The following NCKAP5 variants were observed in gnomAD, a reference collection of about 807,000 sequenced individuals.
NCKAP5 encodes NCK associated protein 5.
A neutral mutation model predicts 167.0 loss-of-function variants in NCKAP5; 92 were observed. The observed-to-expected ratio is 0.55, with a 90% CI of 0.47 to 0.66. The LOEUF is 0.66. NCKAP5 is among the 30% of genes least tolerant of loss of function. The pLI is 0.00. For synonymous variants in NCKAP5, 891 were observed against 877.4 expected, an observed-to-expected ratio of 1.02 and a Z score of -0.27; for missense variants, 2,378 against 2,315.0, an observed-to-expected ratio of 1.03 and a Z score of -0.56.
chr2:133,526,008 C>CG (rs1684839292), intron 2 of NCKAP5, among the ~76,000 whole-genome samples: 2 of 151,958 alleles, frequency 1.3e-5, no homozygotes, highest in Admixed American at 1.3e-4. Flanking sequence ...TTTAAAATAC[C>CG]GGAGTAGATA....
intron 11 of NCKAP5, among the ~76,000 whole-genome samples, chr2:132,812,507 T>C (rs1354086332): frequency 6.6e-6 from 1 of 152,128 alleles, no homozygotes; most frequent in African/African-American, 2.4e-5. Flanking sequence ...TGCTTGAATG[T>C]TGGGGTACAA....
At chr2:133,353,338 T>C (rs760827565) in intron 3 of NCKAP5, among the ~76,000 whole-genome samples, 3 of 152,170 alleles carry the variant, frequency 2.0e-5, no homozygotes, top group Non-Finnish European at 4.4e-5. Flanking sequence ...TTAGAGACCC[T>C]CTGCTCCCAG....
intron 3 of NCKAP5, among the ~76,000 whole-genome samples, chr2:133,465,416 C>T (rs997253835): frequency 6.6e-6 from 1 of 151,636 alleles, no homozygotes; most frequent in African/African-American, 2.4e-5. Flanking sequence ...CATTGTTGGA[C>T]ATTTGGGTTG....
intron 4 of NCKAP5, among the ~76,000 whole-genome samples, chr2:133,281,898 G>A (rs2089949511): frequency 6.6e-6 from 1 of 152,154 alleles, no homozygotes; most frequent in Admixed American, 6.6e-5. Context: ...GAGCATGTTG[G>A]GCAGTTGCAG....
intron 6 of NCKAP5, among the ~76,000 whole-genome samples, chr2:133,053,167 C>A (rs1192371810): frequency 1.3e-5 from 2 of 152,164 alleles, no homozygotes; most frequent in Non-Finnish European, 2.9e-5. Context: ...TTCTTCACAG[C>A]TTTTTGTCTG....
intron 19 of NCKAP5, among the ~76,000 whole-genome samples, chr2:132,710,973 G>A (rs561561623): frequency 7.2e-5 from 11 of 152,242 alleles, no homozygotes; most frequent in African/African-American, 2.4e-4. Flanking sequence ...GCTAAGTTTC[G>A]AATGAAGAGA....
intron 3 of NCKAP5, among the ~76,000 whole-genome samples, chr2:133,515,352 G>A (rs1010630143): frequency 6.6e-6 from 1 of 152,090 alleles, no homozygotes. Flanking sequence ...AAGCATTTAA[G>A]CACCCCCCTA....
chr2:133,387,836 G>A (rs111285938), intron 3 of NCKAP5, among the ~76,000 whole-genome samples: 35,138 of 151,968 alleles, frequency 0.23, 4,218 homozygotes, highest in Non-Finnish European at 0.25. Flanking sequence ...TGATCAAATC[G>A]GCTACTGAAG....
At chr2:132,895,860 C>T (rs964929468) in intron 8 of NCKAP5, among the ~76,000 whole-genome samples, 13 of 150,860 alleles carry the variant, frequency 8.6e-5, no homozygotes, top group Non-Finnish European at 1.3e-4. Flanking sequence ...GTAGGCCAGG[C>T]GCAGTGGCCC....
At chr2:132,958,623 T>G (rs1213849765) in intron 8 of NCKAP5, among the ~76,000 whole-genome samples, 1 of 152,208 alleles carries the variant, frequency 6.6e-6, no homozygotes, top group Admixed American at 6.5e-5. Flanking sequence ...ATTTTTTAAA[T>G]CTTGTACCTT....
chr2:133,328,633 G>A (rs1020783261), intron 3 of NCKAP5, among the ~76,000 whole-genome samples: 1 of 152,072 alleles, frequency 6.6e-6, no homozygotes, highest in African/African-American at 2.4e-5. Context: ...TTGGAGCATG[G>A]GAAAAATCAG....
chr2:132,714,865 T>G (rs1689215901), intron 19 of NCKAP5: 1 of 455,146 alleles, frequency 2.2e-6, no homozygotes, highest in Non-Finnish European at 4.4e-6. Context: ...GAAACCCAGG[T>G]ATGTAAGCTC....
chr2:133,313,790 A>G (rs1444277712), intron 3 of NCKAP5, among the ~76,000 whole-genome samples: 2 of 152,202 alleles, frequency 1.3e-5, no homozygotes, highest in African/African-American at 4.8e-5. Context: ...ACATAATTAG[A>G]AGAGTCCTCA....
intron 3 of NCKAP5, among the ~76,000 whole-genome samples, chr2:133,329,271 G>A (rs922810396): frequency 2.0e-5 from 3 of 152,092 alleles, no homozygotes; most frequent in South Asian, 2.1e-4. Flanking sequence ...GGAGGGGGCA[G>A]GGGACAACCA....
At chr2:133,465,977 G>A (rs1163876004) in intron 3 of NCKAP5, among the ~76,000 whole-genome samples, 3 of 151,684 alleles carry the variant, frequency 2.0e-5, no homozygotes, top group South Asian at 2.1e-4. Context: ...CACTCTGATG[G>A]TAGTTTCTTT....
chr2:132,803,765 TTATGAAGCATCTAC>T (rs1437991893), intron 11 of NCKAP5, among the ~76,000 whole-genome samples: 1 of 152,226 alleles, frequency 6.6e-6, no homozygotes, highest in Non-Finnish European at 1.5e-5. Flanking sequence ...GCTTTATGCT[TTATGAAGCATCTAC>T]TATGTGCAGA....
At chr2:132,965,561 T>C (rs189450571) in intron 7 of NCKAP5, among the ~76,000 whole-genome samples, 92 of 152,306 alleles carry the variant, frequency 6.0e-4, no homozygotes, top group Non-Finnish European at 2.4e-4. Flanking sequence ...GCCACTTATA[T>C]TTTATACATA....
chr2:132,761,174 G>C (rs1680974265), intron 16 of NCKAP5, among the ~76,000 whole-genome samples: 1 of 149,524 alleles, frequency 6.7e-6, no homozygotes, highest in South Asian at 2.1e-4. Flanking sequence ...TTATGCCGGG[G>C]AGGGGCTTGT....
intron 18 of NCKAP5, among the ~76,000 whole-genome samples, chr2:132,727,156 A>G (rs1046820494): frequency 2.0e-5 from 3 of 152,192 alleles, no homozygotes; most frequent in African/African-American, 7.2e-5. Context: ...AAGTGTGTCC[A>G]TTGGTGGATG....
Sources: gnomAD v4.1 joint callset for allele counts (sites outside exome capture counted in the v4.1 genomes callset) on GRCh38, gnomAD v4.1.1 for gene constraint, MANE v1.5 for transcripts, NCBI Gene and HGNC (gene_info 2026-07-23, HGNC 2026-07-21) for gene names.